Variants in GRIK3 observed in about 807,000 individuals in gnomAD.
GRIK3 encodes the protein glutamate ionotropic receptor kainate type subunit 3, also known as glutamate receptor ionotropic, kainate 3.
GRIK3 carries 29 observed loss-of-function variants against 102.5 expected under a neutral mutation model. The ratio of observed to expected loss-of-function variants is 0.28; its 90% confidence interval spans 0.21 to 0.39. GRIK3 has a LOEUF of 0.39. Ranked by LOEUF, GRIK3 falls within the 10% of genes least tolerant of loss-of-function variation. The pLI is 1.00. For missense variants in GRIK3, 908 were observed against 1,252.4 expected (o/e 0.73, Z 4.15); for synonymous variants, 511 against 504.9 (o/e 1.01, Z -0.16).
chr1:36,912,853 A>G (rs750733099), intron 1 of GRIK3, among the ~76,000 whole-genome samples: 1 of 152,208 alleles, frequency 6.6e-6, no homozygotes, highest in Non-Finnish European at 1.5e-5. Flanking sequence ...ATGTGTGCCT[A>G]AAACACATAT....
In GRIK3 at chr1:36,859,180, G is replaced by A. The variant is rs1323182410; in HGVS notation, c.1032C>T (p.Thr344=). 4 of 1,613,732 alleles carry A rather than the reference G, an allele frequency of 2.5e-6. No homozygotes were observed. The highest frequency in any genetic ancestry group is 2.7e-5 in the African/African-American group (2 of 74,932). ...SVCYQRAPQM[T]VNSLQCHRHK... ...GCCGATGGCACTGCAGGGAGTTCAC[G>A]GTCATCTGTGGTGCCCGCTGGTAGC... Residue 344 remains threonine (T), a synonymous_variant, in exon 7 of 16, where the codon ACC becomes ACT. Transcript: ENST00000373091.
At chr1:36,836,430 T>C (rs1640379610) in intron 10 of GRIK3, among the ~76,000 whole-genome samples, 1 of 152,216 alleles carries the variant, frequency 6.6e-6, no homozygotes, top group Non-Finnish European at 1.5e-5. Context: ...CCATGCCAGG[T>C]GTTGGGACAG....
intron 7 of GRIK3, among the ~76,000 whole-genome samples, chr1:36,855,445 C>T (rs3767048): frequency 0.25 from 37,904 of 152,152 alleles, 5,522 homozygotes; most frequent in African/African-American, 0.42. Flanking sequence ...TGGGCAGCTC[C>T]AAGGTACTTT....
At chr1:36,940,484 C>T (rs1194137398) in intron 1 of GRIK3, among the ~76,000 whole-genome samples, 1 of 152,186 alleles carries the variant, frequency 6.6e-6, no homozygotes, top group Non-Finnish European at 1.5e-5. Flanking sequence ...CCCACTTTAC[C>T]CCAGATTTGG....
chr1:37,003,086 TTCCCTTTTCC>T (rs1175951789), intron 1 of GRIK3, among the ~76,000 whole-genome samples: 6 of 151,916 alleles, frequency 3.9e-5, no homozygotes, highest in Non-Finnish European at 8.8e-5. Context: ...AAGATACAGT[TTCCCTTTTCC>T]CTTTGGCCAC....
At position 36,797,514 on chromosome 1, in the gene GRIK3, C is replaced by T. The variant is rs1339335810; in HGVS notation, c.*4337G>A. The T allele has an allele frequency of 6.6e-6, 1 of 152,130 alleles. No individual in the cohort carries two copies. The highest frequency in any genetic ancestry group is 1.5e-5 in the Non-Finnish European group (1 of 68,032). The allele number at this position is 152,130 out of a possible 1,614,324, so 9.4% of individuals were successfully genotyped here. A position where few individuals can be genotyped will look rare whatever the true frequency, so the allele number is the denominator to read the frequency against. On this transcript the variant is annotated 3_prime_UTR_variant, in exon 16 of 16. Transcript: ENST00000373091. ...CAGCCGGGCCACTTCCAGATGTGTC[C>T]ACTTGACCTGCAACTTTCAGATGTG... is the stretch of plus-strand genomic sequence containing the variant.
intron 15 of GRIK3, among the ~76,000 whole-genome samples, chr1:36,803,410 CT>C (rs1217116056): frequency 1.3e-5 from 2 of 151,916 alleles, no homozygotes; most frequent in African/African-American, 4.8e-5. Flanking sequence ...ATGAGGAGCT[CT>C]TTTTTATTTT....
At chr1:36,820,164 T>C (rs1239865294) in intron 11 of GRIK3, among the ~76,000 whole-genome samples, 2 of 152,074 alleles carry the variant, frequency 1.3e-5, no homozygotes, top group Non-Finnish European at 2.9e-5. Context: ...CACACAAGGG[T>C]GTTTATCAAA....
chr1:36,899,265 T>A (rs949398559), intron 1 of GRIK3, among the ~76,000 whole-genome samples: 5 of 152,266 alleles, frequency 3.3e-5, no homozygotes, highest in African/African-American at 1.2e-4. Context: ...GAGAAGATAT[T>A]TGCAAATCAT....
chr1:36,892,843 A>G (rs1355429612), intron 1 of GRIK3, among the ~76,000 whole-genome samples: 1 of 152,222 alleles, frequency 6.6e-6, no homozygotes, highest in African/African-American at 2.4e-5. Flanking sequence ...CAGATAGATC[A>G]AAGGAACAGG....
chr1:36,807,934 C>T (rs185435149), intron 13 of GRIK3, among the ~76,000 whole-genome samples: 1 of 152,320 alleles, frequency 6.6e-6, no homozygotes, highest in African/African-American at 2.4e-5. Context: ...CCAGCCCCTC[C>T]TAGTCCTCAG....
chr1:36,949,272 C>T (rs548228237), intron 1 of GRIK3, among the ~76,000 whole-genome samples: 230 of 152,228 alleles, frequency 1.5e-3, no homozygotes, highest in Non-Finnish European at 2.5e-3. Flanking sequence ...GATCTCTGAT[C>T]CTAGCTCTAC....
At chr1:36,991,670 A>G (rs1419512516) in intron 1 of GRIK3, among the ~76,000 whole-genome samples, 1 of 152,214 alleles carries the variant, frequency 6.6e-6, no homozygotes, top group Non-Finnish European at 1.5e-5. Flanking sequence ...GGAACCTCAC[A>G]TTCCCCAGTT....
chr1:36,842,034 GT>G, intron 9 of GRIK3, 95 bp from the exon 10 acceptor site: 1 of 1,020,090 alleles, frequency 9.8e-7, no homozygotes, highest in Non-Finnish European at 1.5e-6. Flanking sequence ...CTCTGCTCAT[GT>G]TTTTATAAAC....
chr1:36,878,205 G>T (rs1557711107), intron 3 of GRIK3, among the ~76,000 whole-genome samples: 1 of 152,222 alleles, frequency 6.6e-6, no homozygotes, highest in Non-Finnish European at 1.5e-5. Context: ...GACAGATAAT[G>T]ATTCACAGTG....
rs745837449 is a variant in GRIK3 at position 36,806,251 on chromosome 1, C to T, written c.2167G>A (p.Glu723Lys). 68 of 1,614,022 alleles carry T rather than the reference C, an allele frequency of 4.2e-5. No homozygotes were observed. Among genetic ancestry groups the T allele is most frequent in the Non-Finnish European group, 5.5e-5 (65 of 1,179,944 alleles). ...GTCAGGGCCCTCTGGATGCCCTCCT[C>T]GTTGTTCTTCACCAGCGCCGATGGC... ...SKPSALVKNN[E>K]EGIQRALTAD... The change falls in exon 14 of 16, where the codon GAG (glutamate) becomes AAG (lysine). Residue 723 changes from glutamate to lysine, a missense_variant. Coordinates refer to ENST00000373091, the MANE Select transcript of GRIK3 (RefSeq NM_000831.4). This position sits in a 1 kb window ranked among gnomAD's most constrained non-coding sequence, Gnocchi z 4.0.
intron 1 of GRIK3, among the ~76,000 whole-genome samples, chr1:36,919,045 T>C (rs1388985579): frequency 6.6e-6 from 1 of 152,196 alleles, no homozygotes; most frequent in Non-Finnish European, 1.5e-5. Context: ...AAGGGTGAGA[T>C]GATGAGGAGC....
At chr1:37,023,668 G>C (rs1221466054) in intron 1 of GRIK3, among the ~76,000 whole-genome samples, 7 of 152,216 alleles carry the variant, frequency 4.6e-5, no homozygotes, top group African/African-American at 1.7e-4. Context: ...GGGAGGATAT[G>C]TTTATCCCAG....
At chr1:36,999,000 GTGTGTGTA>G (rs752561514) in intron 1 of GRIK3, among the ~76,000 whole-genome samples, 4,991 of 71,376 alleles carry the variant, frequency 0.07, 101 homozygotes, top group African/African-American at 0.14. Flanking sequence ...GTGTGTGTGT[GTGTGTGTA>G]TGTGTGTGTG....
Sources: gnomAD v4.1 joint callset for allele counts (sites outside exome capture counted in the v4.1 genomes callset) on GRCh38, gnomAD v4.1.1 for gene constraint, Gnocchi (gnomAD v3.1) non-coding constraint, MANE v1.5 for transcripts, NCBI Gene and HGNC (gene_info 2026-07-23, HGNC 2026-07-21) for gene names.